The following PCDHGA3 variants were observed in gnomAD, a reference collection of about 807,000 sequenced individuals.
PCDHGA3 encodes the protein protocadherin gamma-A3.
In PCDHGA3, 40 loss-of-function variants were observed where a neutral mutation model predicts 58.5. The observed-to-expected ratio is 0.68, with a 90% CI of 0.53 to 0.89. The LOEUF (loss-of-function observed/expected upper bound fraction) is 0.89, where lower values mean the gene tolerates loss of function less well. Ranked by LOEUF, PCDHGA3 falls within the 40% of genes least tolerant of loss-of-function variation. PCDHGA3 has a pLI of 0.00. For missense variants in PCDHGA3, 1,223 were observed against 1,195.9 expected (o/e 1.02, Z -0.33); for synonymous variants, 530 against 525.7 (o/e 1.01, Z -0.11).
intron 1 of PCDHGA3, chr5:141,375,132 CA>C (rs1265573516): frequency 6.2e-7 from 1 of 1,613,834 alleles, no homozygotes; most frequent in Non-Finnish European, 8.5e-7. Context: ...GTGGTTGTTA[CA>C]TCTGGAAGCA....
chr5:141,432,539 G>A lies in PCDHGA3; in HGVS notation c.2425-62268G>A. 2.5e-6 allele frequency: 4 copies of A among 1,614,038 alleles called. No individual in the cohort carries two copies. Among genetic ancestry groups the A allele is most frequent in the Non-Finnish European group, 3.4e-6 (4 of 1,180,022 alleles). ...CTACCTGGTGACCAAGGTGGTGGCG[G>A]TGGACAGAGACTCCGGCCAGAACGC... On this transcript the variant is annotated intron_variant, in intron 1 of 3. Transcript: ENST00000253812. The surrounding 1 kb of genome is among the most constrained non-coding windows in gnomAD (Gnocchi z 6.0).
At chr5:141,375,021 G>C (rs780712160) in intron 1 of PCDHGA3, 3 of 1,614,036 alleles carry the variant, frequency 1.9e-6, no homozygotes, top group Non-Finnish European at 2.5e-6. Context: ...GAGGACTCGA[G>C]TTTTTATGAG....
intron 1 of PCDHGA3, chr5:141,410,592 T>C: frequency 1.2e-6 from 2 of 1,609,264 alleles, no homozygotes; most frequent in Non-Finnish European, 1.7e-6. Context: ...GGGGAGGATT[T>C]GACTTCACAT....
chr5:141,413,137 T>C, intron 1 of PCDHGA3: 1 of 1,550,612 alleles, frequency 6.4e-7, no homozygotes, highest in Non-Finnish European at 8.7e-7. Flanking sequence ...ACACAACGTG[T>C]CCAGTGAGGA....
chr5:141,393,742 A>T, intron 1 of PCDHGA3: 1 of 1,613,902 alleles, frequency 6.2e-7, no homozygotes, highest in Non-Finnish European at 8.5e-7. Flanking sequence ...CTAGATTATG[A>T]AGAATGTTCA....
At chr5:141,421,141 G>A (rs7732160) in intron 1 of PCDHGA3, 49,996 of 938,386 alleles carry the variant, frequency 0.053, 1,680 homozygotes, top group African/African-American at 0.14. Flanking sequence ...TATTTTGGAT[G>A]TAGTCGGCCT....
chr5:141,359,959 G>A (rs1257380255), intron 1 of PCDHGA3: 4 of 590,976 alleles, frequency 6.8e-6, no homozygotes, highest in South Asian at 5.4e-5. Context: ...AAAGAACGAA[G>A]AGAAGCGTTT....
intron 1 of PCDHGA3, chr5:141,409,624 G>A (rs747166507): frequency 2.5e-6 from 4 of 1,613,846 alleles, no homozygotes; most frequent in Non-Finnish European, 3.4e-6. Flanking sequence ...TTGCGCAAGT[G>A]AGCGCCTCTG....
intron 1 of PCDHGA3, chr5:141,419,412 G>A (rs770138290): frequency 1.9e-6 from 3 of 1,613,446 alleles, no homozygotes; most frequent in South Asian, 2.2e-5. Context: ...TTCGCGCAGC[G>A]CGCCTTCGAC....
At chr5:141,395,135 C>A (rs2093181761) in intron 1 of PCDHGA3, 3 of 1,614,104 alleles carry the variant, frequency 1.9e-6, no homozygotes, top group Non-Finnish European at 2.5e-6. Flanking sequence ...CCCAGCCCAA[C>A]TACGCAGACA....
intron 1 of PCDHGA3, among the ~76,000 whole-genome samples, chr5:141,402,239 T>A (rs1361940803): frequency 6.6e-6 from 1 of 152,066 alleles, no homozygotes; most frequent in African/African-American, 2.4e-5. Flanking sequence ...AGGAATTTTA[T>A]CATCAAAATA....
intron 1 of PCDHGA3, chr5:141,356,995 G>A (rs372951385): frequency 6.2e-7 from 1 of 1,614,184 alleles, no homozygotes; most frequent in East Asian, 2.2e-5. Flanking sequence ...CAGAGACTCA[G>A]GTCAGAATGC....
chr5:141,441,762 C>T (rs3805697), intron 1 of PCDHGA3: 63,073 of 367,490 alleles, frequency 0.17, 6,544 homozygotes, highest in Admixed American at 0.27. Context: ...CGTGAGCCTG[C>T]GCGTGTTGGT....
chr5:141,365,990 G>A, intron 1 of PCDHGA3: 1 of 1,614,216 alleles, frequency 6.2e-7, no homozygotes, highest in Non-Finnish European at 8.5e-7. Flanking sequence ...GTTTGTGCTG[G>A]ACCAGAACGA....
intron 1 of PCDHGA3, among the ~76,000 whole-genome samples, chr5:141,438,039 C>T (rs1373700448): frequency 6.6e-6 from 1 of 152,024 alleles, no homozygotes; most frequent in Non-Finnish European, 1.5e-5. Flanking sequence ...CCATGCCCGA[C>T]CACTTTGAGT....
intron 1 of PCDHGA3, chr5:141,393,380 C>T (rs771237283): frequency 6.2e-7 from 1 of 1,613,988 alleles, no homozygotes; most frequent in South Asian, 1.1e-5. Context: ...ACAATGGAGC[C>T]ATAAACCCAG....
At chr5:141,383,222 T>C in intron 1 of PCDHGA3, 1 of 1,613,962 alleles carries the variant, frequency 6.2e-7, no homozygotes, top group Non-Finnish European at 8.5e-7. Context: ...AACTTTAACA[T>C]CCTGATGGAA....
chr5:141,351,638 A>C, intron 1 of PCDHGA3: 3 of 1,614,016 alleles, frequency 1.9e-6, no homozygotes, highest in Non-Finnish European at 2.5e-6. Context: ...CGTGTCTGAG[A>C]ACAACCCACC....
intron 2 of PCDHGA3, among the ~76,000 whole-genome samples, chr5:141,498,971 G>GGGAAGGAA (rs201769957): frequency 0.022 from 2,449 of 111,032 alleles, 52 homozygotes; most frequent in African/African-American, 0.046. Flanking sequence ...GAGGGAGGGA[G>GGGAAGGAA]GGAAGGAAGG....
Sources: gnomAD v4.1 joint callset for allele counts (sites outside exome capture counted in the v4.1 genomes callset) on GRCh38, gnomAD v4.1.1 for gene constraint, Gnocchi (gnomAD v3.1) non-coding constraint, MANE v1.5 for transcripts, NCBI Gene and HGNC (gene_info 2026-07-23, HGNC 2026-07-21) for gene names.